Variants in NEO1 observed in about 807,000 individuals in gnomAD.
NEO1 encodes neogenin.
In NEO1, 63 loss-of-function variants were observed where a neutral mutation model predicts 159.7. That is an observed-to-expected ratio of 0.39 (90% CI 0.32 to 0.49). NEO1 has a LOEUF of 0.49. Among genes scored for constraint, NEO1 ranks in the 20% least tolerant of loss-of-function variants. The pLI is 0.85. For synonymous variants in NEO1, 633 were observed against 662.0 expected (o/e 0.96, Z 0.67); for missense variants, 1,615 against 1,831.0 (o/e 0.88, Z 2.15).
chr15:73,274,071 C>A, intron 20 of NEO1, 66 bp downstream of exon 20: 1 of 1,427,702 alleles, frequency 7.0e-7, no homozygotes, highest in Non-Finnish European at 9.7e-7. Flanking sequence ...GACACTATCA[C>A]TTGAGCATAT....
intron 22 of NEO1, among the ~76,000 whole-genome samples, chr15:73,281,707 C>T (rs1306074577): frequency 2.0e-5 from 3 of 152,092 alleles, no homozygotes; most frequent in African/African-American, 7.2e-5. Flanking sequence ...TTATTGTACA[C>T]CTCTGATTGT....
chr15:73,232,812 C>T (rs1226572074), intron 7 of NEO1, among the ~76,000 whole-genome samples: 1 of 152,146 alleles, frequency 6.6e-6, no homozygotes, highest in Non-Finnish European at 1.5e-5. Context: ...GACAACACTC[C>T]ATATCAAATG....
chr15:73,171,934 C>T (rs191103235), intron 5 of NEO1, among the ~76,000 whole-genome samples: 7 of 152,056 alleles, frequency 4.6e-5, no homozygotes. Flanking sequence ...AGCCACCATG[C>T]CCGGCCAATA....
At chr15:73,174,852 T>A (rs1238799283) in intron 5 of NEO1, among the ~76,000 whole-genome samples, 1 of 152,284 alleles carries the variant, frequency 6.6e-6, no homozygotes, top group East Asian at 1.9e-4. Context: ...TCAAGTCAAA[T>A]TTGCTATTAA....
At chr15:73,098,769 A>G (rs904897867) in intron 1 of NEO1, among the ~76,000 whole-genome samples, 6 of 152,176 alleles carry the variant, frequency 3.9e-5, no homozygotes, top group African/African-American at 9.6e-5. Context: ...GGAGAGATTC[A>G]TAGACATGGG....
rs1414960508 is a variant in NEO1 at position 73,135,925 on chromosome 15, C to T, written c.913C>T (p.Leu305=). The T allele has an allele frequency of 6.9e-6, 11 of 1,595,658 alleles. No homozygotes were observed. In the Admixed American group the frequency reaches 1.0e-4, roughly 15 times the overall value. ...ERLVLLAGGS[L]EISDVTEDDA... ...ATTGGTATTGCTGGCAGGTGGTAGC[C>T]TGGAGATCAGTGATGTTACTGAGGA... The change falls in exon 5 of 29, where the codon CTG becomes TTG. Residue 305 remains leucine (L), a synonymous_variant. Coordinates refer to ENST00000261908, the MANE Select transcript of NEO1 (RefSeq NM_002499.4).
At chr15:73,220,828 T>C (rs2038204016) in intron 7 of NEO1, among the ~76,000 whole-genome samples, 1 of 152,190 alleles carries the variant, frequency 6.6e-6, no homozygotes, top group Non-Finnish European at 1.5e-5. Context: ...TACATTCGTC[T>C]AAATTTTTTT....
At chr15:73,202,461 G>T (rs545428165) in intron 7 of NEO1, among the ~76,000 whole-genome samples, 21 of 152,192 alleles carry the variant, frequency 1.4e-4, no homozygotes, top group Admixed American at 6.5e-4. Flanking sequence ...GGGCATAAGA[G>T]GAGCATCTGT....
rs181229368 is a variant in NEO1, at chr15:73,113,079, A to T, written c.131-3461A>T. Reference sequence around the variant, plus strand: ...GTTATGTGTCTTTATCCTCTGCTCCAGAGCCACAGTGGCTTAGTTACTATA... The same window carrying T: ...GTTATGTGTCTTTATCCTCTGCTCCTGAGCCACAGTGGCTTAGTTACTATA... On this transcript the variant is annotated intron_variant, in intron 1 of 28. Transcript: ENST00000261908. Among the ~76,000 whole-genome samples the T allele has an allele frequency of 1.5e-4, 23 of 152,166 alleles. No individual in the cohort carries two copies. The East Asian group carries it at 3.1e-3, about 20-fold the overall frequency.
At chr15:73,169,101 A>T (rs1372420172) in intron 5 of NEO1, among the ~76,000 whole-genome samples, 1 of 152,082 alleles carries the variant, frequency 6.6e-6, no homozygotes, top group African/African-American at 2.4e-5. Flanking sequence ...TAATAAAGTA[A>T]CCTTGAATCA....
chr15:73,164,973 A>G (rs1364054438), intron 5 of NEO1, among the ~76,000 whole-genome samples: 1 of 152,098 alleles, frequency 6.6e-6, no homozygotes, highest in Non-Finnish European at 1.5e-5. Flanking sequence ...AAGTTGCCCA[A>G]ATTGGAGTGC....
At chr15:73,108,659 A>G (rs1271531586) in intron 1 of NEO1, among the ~76,000 whole-genome samples, 1 of 152,244 alleles carries the variant, frequency 6.6e-6, no homozygotes, top group Non-Finnish European at 1.5e-5. Context: ...GAAAAGAGGA[A>G]AAAGCAAACA....
chr15:73,283,708 GTGTC>G (rs2041824438), intron 23 of NEO1, among the ~76,000 whole-genome samples: 1 of 152,308 alleles, frequency 6.6e-6, no homozygotes, highest in South Asian at 2.1e-4. Context: ...AAAGTAGAAA[GTGTC>G]TGGCATTGCT....
At chr15:73,083,895 T>C (rs186171387) in intron 1 of NEO1, among the ~76,000 whole-genome samples, 1 of 152,146 alleles carries the variant, frequency 6.6e-6, no homozygotes, top group Non-Finnish European at 1.5e-5. Context: ...CCTCAAGGGA[T>C]CCTCCTGCCT....
chr15:73,228,488 C>T (rs1232071750), intron 7 of NEO1, among the ~76,000 whole-genome samples: 1 of 145,780 alleles, frequency 6.9e-6, no homozygotes, highest in African/African-American at 2.6e-5. Flanking sequence ...TTATCAGATA[C>T]ATGATTTGGA....
chr15:73,277,383 A>G (rs1188279230), intron 21 of NEO1, among the ~76,000 whole-genome samples: 2 of 152,174 alleles, frequency 1.3e-5, no homozygotes, highest in Non-Finnish European at 1.5e-5. Flanking sequence ...AAGTATAAGA[A>G]TTTTTTAAAA....
chr15:73,147,457 A>G (rs2032998305), intron 5 of NEO1, among the ~76,000 whole-genome samples: 1 of 152,136 alleles, frequency 6.6e-6, no homozygotes, highest in Non-Finnish European at 1.5e-5. Context: ...GTCACACCCC[A>G]TTCCTCATGC....
chr15:73,074,390 T>C (rs1384466002), intron 1 of NEO1, among the ~76,000 whole-genome samples: 3 of 152,190 alleles, frequency 2.0e-5, no homozygotes, highest in Non-Finnish European at 4.4e-5. Context: ...TCTGACTGTT[T>C]TGTTGTTTTA....
chr15:73,191,041 A>G (rs1046059790), intron 7 of NEO1, among the ~76,000 whole-genome samples: 10 of 152,194 alleles, frequency 6.6e-5, no homozygotes, highest in Non-Finnish European at 1.3e-4. Flanking sequence ...CTTTTTCCGT[A>G]TAGGTATTGA....
Sources: allele counts gnomAD v4.1 joint callset (sites outside exome capture counted in the v4.1 genomes callset), GRCh38; gene constraint gnomAD v4.1.1; transcripts MANE v1.5; gene names NCBI Gene and HGNC (gene_info 2026-07-23, HGNC 2026-07-21).